Variants in GALNT18 observed in about 807,000 individuals in gnomAD.
GALNT18 encodes the protein polypeptide N-acetylgalactosaminyltransferase 18.
In GALNT18, 44 loss-of-function variants were observed where a neutral mutation model predicts 69.5. That is an observed-to-expected ratio of 0.63 (90% CI 0.50 to 0.81). GALNT18 has a LOEUF of 0.81. Ranked by LOEUF, GALNT18 falls within the 40% of genes least tolerant of loss-of-function variation. GALNT18 has a pLI of 0.00. For synonymous variants in GALNT18, 364 were observed against 318.2 expected, an observed-to-expected ratio of 1.14 and a Z score of -1.53; for missense variants, 715 against 810.0, an observed-to-expected ratio of 0.88 and a Z score of 1.42.
Position 11,606,273 on chromosome 11 carries a change from A to G in GALNT18, c.235+15086T>C, listed in dbSNP as rs1424969830. On this transcript the variant is annotated intron_variant, in intron 1 of 10. Coordinates refer to ENST00000227756, the MANE Select transcript of GALNT18 (RefSeq NM_198516.3). The surrounding 1 kb of genome is among the most constrained non-coding windows in gnomAD (Gnocchi z 5.4). The stretch of plus-strand genomic sequence containing the variant: ...CTGTGTGACAAACTGGAAAACAGGA[A>G]AAACCGGACCCAGTCTCCACCTTTA... 6.6e-6 allele frequency among the ~76,000 whole-genome samples: 1 copy of G among 152,200 alleles called. No homozygotes were observed.
chr11:11,477,511 C>A (rs567997741), intron 1 of GALNT18, among the ~76,000 whole-genome samples: 2 of 152,216 alleles, frequency 1.3e-5, no homozygotes, highest in East Asian at 1.9e-4. Context: ...GCCCTCCACA[C>A]CTTTCCTCTC....
chr11:11,612,416 T>G lies in GALNT18; in HGVS notation c.235+8943A>C, dbSNP rs927585279. The stretch of plus-strand genomic sequence containing the variant: ...AAATAAATCAAGGGTTTAGCTAGGA[T>G]TCTCATTTGTCGCTTCAAATCTCTC... On this transcript the variant is annotated intron_variant, in intron 1 of 10. Transcript: ENST00000227756. Among the ~76,000 whole-genome samples the G allele has an allele frequency of 3.9e-5, 6 of 152,218 alleles. No individual in the cohort carries two copies. In the South Asian group the frequency reaches 6.2e-4, roughly 16 times the overall value.
At chr11:11,294,639 CTG>C (rs1849364359) in intron 9 of GALNT18, among the ~76,000 whole-genome samples, 1 of 151,340 alleles carries the variant, frequency 6.6e-6, no homozygotes, top group South Asian at 2.1e-4. Flanking sequence ...AAACAAATGG[CTG>C]TGTTTCATTA....
chr11:11,361,253 A>T (rs1166195288), intron 6 of GALNT18, among the ~76,000 whole-genome samples: 1 of 152,230 alleles, frequency 6.6e-6, no homozygotes, highest in African/African-American at 2.4e-5. Flanking sequence ...TTCTTAGACC[A>T]GGCATAAATG....
intron 3 of GALNT18, among the ~76,000 whole-genome samples, chr11:11,393,417 T>G (rs1418360011): frequency 1.3e-5 from 2 of 152,224 alleles, no homozygotes; most frequent in African/African-American, 4.8e-5. Flanking sequence ...TGTGTATTTT[T>G]CTGTTTGTTT....
chr11:11,420,024 T>C (rs1425958064), intron 3 of GALNT18, among the ~76,000 whole-genome samples: 1 of 152,096 alleles, frequency 6.6e-6, no homozygotes, highest in African/African-American at 2.4e-5. Context: ...TGCAAGTCCC[T>C]GTGGGCTTGA....
At chr11:11,287,182 C>G (rs777453295) in intron 10 of GALNT18, among the ~76,000 whole-genome samples, 3 of 152,248 alleles carry the variant, frequency 2.0e-5, no homozygotes, top group African/African-American at 7.2e-5. Flanking sequence ...AGGTAGAACA[C>G]TGACCTTTCT....
chr11:11,415,742 C>T lies in GALNT18; in HGVS notation c.595+16879G>A, dbSNP rs1854840197. Among the ~76,000 whole-genome samples the T allele has an allele frequency of 6.6e-6, 1 of 152,182 alleles. No individual in the cohort carries two copies. The highest frequency in any genetic ancestry group is 2.4e-5 in the African/African-American group (1 of 41,444). On this transcript the variant is annotated intron_variant, in intron 3 of 10. Coordinates refer to ENST00000227756, the MANE Select transcript of GALNT18 (RefSeq NM_198516.3). This position sits in a 1 kb window ranked among gnomAD's most constrained non-coding sequence, Gnocchi z 4.1. ...ACACCTATGCGTCTTCCCACCCATG[C>T]ATCCATGCATCCATCCACCCATCTC...
At chr11:11,323,466 G>T (rs570688306) in intron 9 of GALNT18, among the ~76,000 whole-genome samples, 1 of 152,330 alleles carries the variant, frequency 6.6e-6, no homozygotes, top group East Asian at 1.9e-4. Context: ...TAAGGCTCAA[G>T]AATAACCCTC....
Position 11,377,459 on chromosome 11 carries a change from TC to T in GALNT18, c.780-81del. The stretch of plus-strand genomic sequence containing the variant: ...CAGAGTAGCATCTCCTGAAGGTCCT[TC>T]CCCAGCAGAAAGAGGAAGGAAGGCC... On this transcript the variant is annotated intron_variant, in intron 4 of 10. Transcript: ENST00000227756. This position sits in a 1 kb window ranked among gnomAD's most constrained non-coding sequence, Gnocchi z 4.6. The T allele has an allele frequency of 3.1e-6, 4 of 1,283,234 alleles. No individual in the cohort carries two copies. The highest frequency in any genetic ancestry group is 1.5e-5 in the African/African-American group (1 of 68,372). The allele number at this position is 1,283,234 out of a possible 1,614,324, so 79.5% of individuals were successfully genotyped here.
At chr11:11,441,141 C>T (rs75395474) in intron 2 of GALNT18, among the ~76,000 whole-genome samples, 1,772 of 152,260 alleles carry the variant, frequency 0.012, 17 homozygotes, top group Non-Finnish European at 0.019. Context: ...CTATCACCTC[C>T]CTCTTTTAAA....
intron 1 of GALNT18, among the ~76,000 whole-genome samples, chr11:11,575,747 G>A (rs1858910834): frequency 6.6e-6 from 1 of 152,170 alleles, no homozygotes; most frequent in Non-Finnish European, 1.5e-5. Flanking sequence ...AAAGATGAAA[G>A]GGAGGAGAAA....
intron 6 of GALNT18, chr11:11,352,150 A>T (rs966617129): frequency 6.2e-7 from 1 of 1,613,290 alleles, no homozygotes; most frequent in Non-Finnish European, 8.5e-7. Context: ...ACAGTGTAGA[A>T]ATAGGGGTGC....
At chr11:11,298,911 T>A (rs917438816) in intron 9 of GALNT18, among the ~76,000 whole-genome samples, 6 of 152,158 alleles carry the variant, frequency 3.9e-5, no homozygotes, top group Non-Finnish European at 8.8e-5. Context: ...CAAAGAGCCT[T>A]TGCAAACATG....
chr11:11,432,156 T>G lies in GALNT18; in HGVS notation c.595+465A>C, dbSNP rs138369514. Among the ~76,000 whole-genome samples, 1,510 of 152,312 alleles carry G rather than the reference T, an allele frequency of 9.9e-3. 30 individuals are homozygous for G. Among genetic ancestry groups the G allele is most frequent in the African/African-American group, 0.035 (1,459 of 41,558 alleles). On this transcript the variant is annotated intron_variant, in intron 3 of 10. Transcript: ENST00000227756. The surrounding 1 kb of genome is among the most constrained non-coding windows in gnomAD (Gnocchi z 5.8). The stretch of plus-strand genomic sequence containing the variant: ...TGCTGTCATTGAGTTACGTGTCCAC[T>G]GCCATCCCCATCATCACCACCACTA...
rs145550420 is a variant in GALNT18, at chr11:11,321,357, G to A, written c.1512+5729C>T. 3.1e-3 allele frequency among the ~76,000 whole-genome samples: 471 copies of A among 152,298 alleles called. 1 individual carries two copies. The highest frequency in any genetic ancestry group is 0.011 in the African/African-American group (449 of 41,564). On this transcript the variant is annotated intron_variant, in intron 9 of 10. Transcript: ENST00000227756. ...GATGGGTTTGAACTTAATGGTGACT[G>A]TACAGTGTATACAAAGTTAAGAACT...
At chr11:11,273,593 G>A (rs1028110959) in intron 10 of GALNT18, among the ~76,000 whole-genome samples, 1 of 152,238 alleles carries the variant, frequency 6.6e-6, no homozygotes, top group Non-Finnish European at 1.5e-5. Flanking sequence ...CATTGTTGGT[G>A]GGAATGAAAA....
rs1251012341 is a variant in GALNT18 at position 11,592,356 on chromosome 11, A to C, written c.235+29003T>G. On this transcript the variant is annotated intron_variant, in intron 1 of 10. Transcript: ENST00000227756. The surrounding 1 kb of genome is among the most constrained non-coding windows in gnomAD (Gnocchi z 5.9). The stretch of plus-strand genomic sequence containing the variant: ...GTCCAGCAGACAAAAACATATTGAC[A>C]TGCTGTTCCTGCAAGGAAGTGGACT... 6.6e-6 allele frequency among the ~76,000 whole-genome samples: 1 copy of C among 152,252 alleles called. No individual in the cohort carries two copies. The highest frequency in any genetic ancestry group is 1.5e-5 in the Non-Finnish European group (1 of 68,036).
intron 6 of GALNT18, among the ~76,000 whole-genome samples, chr11:11,371,305 T>C (rs1196187273): frequency 6.6e-6 from 1 of 152,212 alleles, no homozygotes; most frequent in African/African-American, 2.4e-5. Context: ...CCAGGGCCAG[T>C]TGCCTGCCTG....
Sources: allele counts gnomAD v4.1 joint callset (sites outside exome capture counted in the v4.1 genomes callset), GRCh38; gene constraint gnomAD v4.1.1; non-coding constraint Gnocchi (gnomAD v3.1); transcripts MANE v1.5; gene names NCBI Gene and HGNC (gene_info 2026-07-23, HGNC 2026-07-21).